Variants in DCAF8 observed in about 807,000 individuals in gnomAD.
DCAF8 encodes the protein DDB1- and CUL4-associated factor 8.
A neutral mutation model predicts 68.0 loss-of-function variants in DCAF8; 20 were observed. The ratio of observed to expected loss-of-function variants is 0.29; its 90% CI spans 0.21 to 0.43. The LOEUF (loss-of-function observed/expected upper bound fraction) is 0.43, where lower values mean the gene tolerates loss of function less well. DCAF8 is among the 20% of genes least tolerant of loss of function. DCAF8 has a pLI of 1.00. For synonymous variants in DCAF8, 230 were observed against 276.9 expected (o/e 0.83, Z 1.68); for missense variants, 460 against 771.0 (o/e 0.60, Z 4.78).
At chr1:160,218,737 T>TA in intron 12 of DCAF8, 112 bp downstream of exon 12, 1 of 1,487,324 alleles carries the variant, frequency 6.7e-7, no homozygotes, top group Non-Finnish European at 9.2e-7. Flanking sequence ...GGGAGGGTGT[T>TA]AGAGCAGTGC....
At chr1:160,256,472 G>C (rs1656839063) in intron 2 of DCAF8, among the ~76,000 whole-genome samples, 1 of 152,058 alleles carries the variant, frequency 6.6e-6, no homozygotes, top group Non-Finnish European at 1.5e-5. Flanking sequence ...AACATACCTG[G>C]TAATGTGGCA....
intron 2 of DCAF8, among the ~76,000 whole-genome samples, chr1:160,251,297 G>T (rs1656584974): frequency 6.6e-6 from 1 of 152,080 alleles, no homozygotes; most frequent in Non-Finnish European, 1.5e-5. Flanking sequence ...GCTTTTCTAG[G>T]TCCCACAGTC....
At chr1:160,224,318 G>C in intron 10 of DCAF8, 124 bp downstream of exon 10, 2 of 688,002 alleles carry the variant, frequency 2.9e-6, no homozygotes, top group Admixed American at 5.4e-5. Flanking sequence ...CCCAATTCAG[G>C]ATAATCCCTC....
In DCAF8 at chr1:160,216,808, GA is replaced by G. The variant is rs751338030; in HGVS notation, c.*783del. 6.6e-6 allele frequency: 1 copy of G among 152,592 alleles called. No homozygotes were observed. The highest frequency in any genetic ancestry group is 1.5e-5 in the Non-Finnish European group (1 of 68,036). 9.5% of individuals were successfully genotyped at this position (152,592 alleles called of 1,614,324 possible). ...CCTCTAACAGTGATAGGGACAGGGA[GA>G]TTGCTGCCACCAAACAATGTTTCTT... is the stretch of plus-strand genomic sequence containing the variant. On this transcript the variant is annotated 3_prime_UTR_variant, in exon 14 of 14. Transcript: ENST00000368074.
chr1:160,243,628 T>G (rs1057109341), intron 3 of DCAF8, among the ~76,000 whole-genome samples: 1 of 152,266 alleles, frequency 6.6e-6, no homozygotes, highest in East Asian at 1.9e-4. Flanking sequence ...TAAAATTCCC[T>G]TGTTCCTACT....
At chr1:160,224,975 G>T in intron 9 of DCAF8, 87 bp downstream of exon 9, 1 of 1,262,984 alleles carries the variant, frequency 7.9e-7, no homozygotes, top group Non-Finnish European at 1.2e-6. Context: ...ACAGTGGTGA[G>T]CACTGGAGGG....
At chr1:160,232,904 T>C (rs762520132) in intron 6 of DCAF8, among the ~76,000 whole-genome samples, 6 of 152,194 alleles carry the variant, frequency 3.9e-5, no homozygotes, top group Non-Finnish European at 7.3e-5. Flanking sequence ...GAATAATCTG[T>C]CTAAAACAGC....
intron 2 of DCAF8, among the ~76,000 whole-genome samples, chr1:160,251,884 C>T (rs1343474045): frequency 6.6e-6 from 1 of 152,156 alleles, no homozygotes; most frequent in African/African-American, 2.4e-5. Context: ...TAGTTCTGGG[C>T]TATTTTCTAT....
intron 2 of DCAF8, among the ~76,000 whole-genome samples, chr1:160,252,296 T>C (rs1208236572): frequency 2.6e-5 from 4 of 152,180 alleles, no homozygotes; most frequent in African/African-American, 9.7e-5. Context: ...AAAAGATAAA[T>C]AGAATGCTGT....
At chr1:160,225,261 T>A in intron 8 of DCAF8, 142 bp from the exon 9 acceptor site, 1 of 815,978 alleles carries the variant, frequency 1.2e-6, no homozygotes, top group South Asian at 1.8e-5. Flanking sequence ...GTACAACTGA[T>A]GAAACATGAC....
chr1:160,260,334 A>G (rs1033553410), intron 2 of DCAF8, among the ~76,000 whole-genome samples: 10 of 152,180 alleles, frequency 6.6e-5, no homozygotes, highest in Non-Finnish European at 1.2e-4. Context: ...TCCAATCTCT[A>G]AAGACTGTAC....
At position 160,230,112 on chromosome 1, in the gene DCAF8, G is replaced by A. The variant is rs1005757049; in HGVS notation, c.1070+1185C>T. Among the ~76,000 whole-genome samples the A allele has an allele frequency of 1.2e-4, 18 of 152,142 alleles. 1 individual carries two copies. The highest frequency in any genetic ancestry group is 2.6e-4 in the Admixed American group (4 of 15,272). On this transcript the variant is annotated intron_variant, in intron 7 of 13. Transcript: ENST00000368074. ...GGCATGGGAATAGGGGAAGAAGAGAGAAACAAGGTTTTGTCCAGGATTCTT... is the reference window on the plus strand; with the variant it reads ...GGCATGGGAATAGGGGAAGAAGAGAAAAACAAGGTTTTGTCCAGGATTCTT...
chr1:160,234,242 C>CA (rs10660397), intron 6 of DCAF8, among the ~76,000 whole-genome samples: 16,931 of 138,686 alleles, frequency 0.12, 1,287 homozygotes, highest in African/African-American at 0.21. Context: ...GACTGCACCT[C>CA]AAAAAAAAAA....
At chr1:160,228,092 A>ATTTTTT (rs34386233) in intron 7 of DCAF8, among the ~76,000 whole-genome samples, 1 of 145,268 alleles carries the variant, frequency 6.9e-6, no homozygotes, top group Non-Finnish European at 1.5e-5. Context: ...TTTTTTCTTA[A>ATTTTTT]TTTTTTTTTT....
At chr1:160,251,117 G>GTTAATATGAGTTTAAA (rs1232535274) in intron 2 of DCAF8, among the ~76,000 whole-genome samples, 4 of 152,172 alleles carry the variant, frequency 2.6e-5, no homozygotes, top group Non-Finnish European at 5.9e-5. Context: ...ATTTAAATGA[G>GTTAATATGAGTTTAAA]ACAAGGTTTT....
Position 160,217,637 on chromosome 1 carries a change from C to A in DCAF8, c.1749G>T (p.Ser583=). ...CCCGGTCAGGGCCCTCCTCCTCGTCCGATGTGTCTGAGGAGCTGGGAGACT... is the reference window on the plus strand; with the variant it reads ...CCCGGTCAGGGCCCTCCTCCTCGTCAGATGTGTCTGAGGAGCTGGGAGACT... ...SDESPSSSDT[S]DEEEGPDRVQ... The change falls in exon 14 of 14, where the codon TCG becomes TCT. Residue 583 remains serine (S), a synonymous_variant. Transcript: ENST00000368074. 1 of 1,614,112 alleles carries A rather than the reference C, an allele frequency of 6.2e-7. No homozygotes were observed. Among genetic ancestry groups the A allele is most frequent in the Non-Finnish European group, 8.5e-7 (1 of 1,180,012 alleles).
At chr1:160,222,270 CTTAGT>C (rs1655327185) in intron 11 of DCAF8, among the ~76,000 whole-genome samples, 2 of 152,146 alleles carry the variant, frequency 1.3e-5, no homozygotes, top group African/African-American at 4.8e-5. Flanking sequence ...AAGATCACTA[CTTAGT>C]TTAGTTTAAA....
intron 4 of DCAF8, chr1:160,238,950 G>GAAATGC: frequency 1.5e-6 from 1 of 654,096 alleles, no homozygotes; most frequent in East Asian, 3.6e-5. Flanking sequence ...TTCCTTTGAT[G>GAAATGC]TAAGAGAGCA....
chr1:160,227,633 A>G (rs944410026), intron 7 of DCAF8, among the ~76,000 whole-genome samples: 1 of 152,248 alleles, frequency 6.6e-6, no homozygotes, highest in Non-Finnish European at 1.5e-5. Context: ...CTTAAAGGAC[A>G]AGACAGTAAA....
Sources: allele counts gnomAD v4.1 joint callset (sites outside exome capture counted in the v4.1 genomes callset), GRCh38; gene constraint gnomAD v4.1.1; transcripts MANE v1.5; gene names NCBI Gene and HGNC (gene_info 2026-07-23, HGNC 2026-07-21).